Variants in RGMB observed in about 807,000 individuals in gnomAD.
RGMB encodes the protein repulsive guidance molecule BMP co-receptor b, also known as repulsive guidance molecule B.
Under a neutral mutation model 26.9 loss-of-function variants are expected in RGMB, and 16 were observed. The observed-to-expected ratio is 0.60, with a 90% CI of 0.40 to 0.90. The LOEUF is 0.90. Ranked by LOEUF, RGMB falls within the 40% of genes least tolerant of loss-of-function variation. The probability of loss-of-function intolerance (pLI) is 0.00; values close to 1 mark genes in which losing one functional copy is unlikely to be tolerated. For missense variants in RGMB, 512 were observed against 573.3 expected, an observed-to-expected ratio of 0.89 and a Z score of 1.09; for synonymous variants, 225 against 229.3, an observed-to-expected ratio of 0.98 and a Z score of 0.17.
rs907808292 is a variant in RGMB at position 98,794,064 on chromosome 5, A to G, written c.*311A>G. The G allele has an allele frequency of 1.3e-5, 3 of 224,808 alleles. No homozygotes were observed. Among genetic ancestry groups the G allele is most frequent in the African/African-American group, 2.3e-5 (1 of 42,926 alleles). The allele number at this position is 224,808 out of a possible 1,614,324, so 13.9% of individuals were successfully genotyped here. On this transcript the variant is annotated 3_prime_UTR_variant, in exon 3 of 3. Transcript: ENST00000513185. Reference sequence around the variant, plus strand: ...AAATATTTATGTGTGTGCTTGGTTGATATGTATAGTACATATACACAGACA... The same window carrying G: ...AAATATTTATGTGTGTGCTTGGTTGGTATGTATAGTACATATACACAGACA...
At chr5:98,770,597 G>C, upstream of RGMB, 1 of 1,322,834 alleles carries the variant, frequency 7.6e-7, no homozygotes, top group Non-Finnish European at 9.7e-7. Flanking sequence ...CTCACACCCA[G>C]GTCCTGCGTG....
Position 98,773,972 on chromosome 5 carries a change from A to G in RGMB, c.-99A>G. ...CTGAAGAAGGAAGAAGAGGAAGCGA[A>G]GCGCGCCCCCCGGCCCATGCCGCAG... is the stretch of plus-strand genomic sequence containing the variant. On this transcript the variant is annotated 5_prime_UTR_variant, in exon 1 of 3. Coordinates refer to ENST00000513185, the MANE Select transcript of RGMB (RefSeq NM_001366508.1). The G allele has an allele frequency of 1.6e-6, 1 of 623,580 alleles. No homozygotes were observed. The highest frequency in any genetic ancestry group is 3.5e-5 in the East Asian group (1 of 28,976). 38.6% of individuals were successfully genotyped at this position (623,580 alleles called of 1,614,324 possible).
upstream of RGMB, chr5:98,772,529 T>C (rs1465533040): frequency 6.6e-6 from 1 of 152,246 alleles, no homozygotes; most frequent in Non-Finnish European, 1.5e-5. Flanking sequence ...ATGGCAACCC[T>C]GTGCTGTTTG....
At chr5:98,781,852 A>C (rs577731620) in intron 2 of RGMB, among the ~76,000 whole-genome samples, 1 of 152,306 alleles carries the variant, frequency 6.6e-6, no homozygotes, top group Admixed American at 6.5e-5. Context: ...GAATATTGCT[A>C]TATATATGGA....
intron 2 of RGMB, among the ~76,000 whole-genome samples, chr5:98,782,289 T>C (rs1461885794): frequency 2.0e-5 from 3 of 152,048 alleles, no homozygotes; most frequent in African/African-American, 7.2e-5. Context: ...AAGGCCTAAA[T>C]CTTACAATAC....
chr5:98,794,950 C>T lies in RGMB; in HGVS notation c.*1197C>T, dbSNP rs1328651466. The stretch of plus-strand genomic sequence containing the variant: ...TCGGTGTGCGGCCACTTCGGCACTG[C>T]TTAATCCAGATATTCTTGTTAACTA... On this transcript the variant is annotated 3_prime_UTR_variant, in exon 3 of 3. Coordinates refer to ENST00000513185, the MANE Select transcript of RGMB (RefSeq NM_001366508.1). 1 of 152,240 alleles carries T rather than the reference C, an allele frequency of 6.6e-6. No homozygotes were observed. The highest frequency in any genetic ancestry group is 1.5e-5 in the Non-Finnish European group (1 of 68,054). The allele number at this position is 152,240 out of a possible 1,614,324, so 9.4% of individuals were successfully genotyped here.
chr5:98,777,038 A>AT (rs1376489033), intron 1 of RGMB, among the ~76,000 whole-genome samples: 10 of 151,676 alleles, frequency 6.6e-5, no homozygotes, highest in African/African-American at 2.4e-4. Flanking sequence ...GTGAGCCGAG[A>AT]TCGCGCCACT....
At position 98,773,974 on chromosome 5, in the gene RGMB, C is replaced by A. The variant is rs954660891; in HGVS notation, c.-97C>A. 39 of 623,690 alleles carry A rather than the reference C, an allele frequency of 6.3e-5. No homozygotes were observed. The highest frequency in any genetic ancestry group is 1.0e-4 in the Non-Finnish European group (36 of 346,040). 38.6% of individuals were successfully genotyped at this position (623,690 alleles called of 1,614,324 possible). On this transcript the variant is annotated 5_prime_UTR_variant, in exon 1 of 3. Transcript: ENST00000513185. ...GAAGAAGGAAGAAGAGGAAGCGAAGCGCGCCCCCCGGCCCATGCCGCAGCC... is the reference window on the plus strand; with the variant it reads ...GAAGAAGGAAGAAGAGGAAGCGAAGAGCGCCCCCCGGCCCATGCCGCAGCC...
rs577876085 is a variant in RGMB, at chr5:98,780,377, C to CT, written c.645+295dup. ...AGACCTGTTTAGTAAAAAAAGGATG[C>CT]TTTTTTCAGTGATGTCTTTTTTTGA... On this transcript the variant is annotated intron_variant, in intron 2 of 2. Coordinates refer to ENST00000513185, the MANE Select transcript of RGMB (RefSeq NM_001366508.1). 8.0e-5 allele frequency: 25 copies of CT among 312,598 alleles called. No homozygotes were observed. The South Asian group carries it at 1.7e-3, about 22-fold the overall frequency. 19.4% of individuals were successfully genotyped at this position (312,598 alleles called of 1,614,324 possible).
chr5:98,771,739 T>C (rs1746170815), upstream of RGMB: 1 of 152,308 alleles, frequency 6.6e-6, no homozygotes, highest in South Asian at 2.1e-4. Flanking sequence ...CGCCCTCTAT[T>C]GATAGGAAAA....
At chr5:98,772,433 G>A (rs1561433878), upstream of RGMB, among the ~76,000 whole-genome samples, 1 of 152,184 alleles carries the variant, frequency 6.6e-6, no homozygotes, top group Non-Finnish European at 1.5e-5. Context: ...GCATGTCCGT[G>A]GTTGATAAGA....
intron 2 of RGMB, among the ~76,000 whole-genome samples, chr5:98,782,070 A>G (rs543746332): frequency 1.3e-5 from 2 of 152,330 alleles, no homozygotes; most frequent in East Asian, 1.9e-4. Context: ...TAATTGCACT[A>G]TTGGAAGGTA....
intron 2 of RGMB, among the ~76,000 whole-genome samples, chr5:98,785,565 C>A (rs1311851757): frequency 6.6e-6 from 1 of 152,180 alleles, no homozygotes; most frequent in African/African-American, 2.4e-5. Context: ...TGTATTTCCT[C>A]ATCTGCATAC....
In RGMB at chr5:98,795,810, TG is replaced by T. The variant is rs1747102723; in HGVS notation, c.*2058del. Reference sequence around the variant, plus strand: ...TATTTTTGTGCAAATAATATGAAAGTGAAGTAAAAGCAATAGAAGAAATTTC... The same window carrying T: ...TATTTTTGTGCAAATAATATGAAAGTAAGTAAAAGCAATAGAAGAAATTTC... On this transcript the variant is annotated 3_prime_UTR_variant, in exon 3 of 3. Coordinates refer to ENST00000513185, the MANE Select transcript of RGMB (RefSeq NM_001366508.1). The T allele has an allele frequency of 6.6e-6, 1 of 152,122 alleles. No individual in the cohort carries two copies. The highest frequency in any genetic ancestry group is 1.5e-5 in the Non-Finnish European group (1 of 68,028). The allele number at this position is 152,122 out of a possible 1,614,324, so 9.4% of individuals were successfully genotyped here.
chr5:98,768,883 G>A (rs1746058845), upstream of RGMB: 2 of 152,396 alleles, frequency 1.3e-5, no homozygotes, highest in Middle Eastern at 3.4e-3. Flanking sequence ...TGCGGCTGCC[G>A]GCGGGCAGCT....
At chr5:98,792,049 T>G (rs1746946299) in intron 2 of RGMB, among the ~76,000 whole-genome samples, 1 of 152,186 alleles carries the variant, frequency 6.6e-6, no homozygotes, top group African/African-American at 2.4e-5. Flanking sequence ...GTAACTAGGT[T>G]TAGGGTATTC....
rs768490554 is a variant in RGMB at position 98,773,668 on chromosome 5, G to A, written c.-403G>A. The A allele has an allele frequency of 5.7e-6, 2 of 351,578 alleles. No individual in the cohort carries two copies. The highest frequency in any genetic ancestry group is 5.1e-6 in the Non-Finnish European group (1 of 196,240). The allele number at this position is 351,578 out of a possible 1,614,324, so 21.8% of individuals were successfully genotyped here. Reference sequence around the variant, plus strand: ...TCGACCGCGGGGGCTGCCGCGCAGAGATATCCGGGCCGCCGGTGGGTGGTC... The same window carrying A: ...TCGACCGCGGGGGCTGCCGCGCAGAAATATCCGGGCCGCCGGTGGGTGGTC... On this transcript the variant is annotated 5_prime_UTR_variant, in exon 1 of 3. Coordinates refer to ENST00000513185, the MANE Select transcript of RGMB (RefSeq NM_001366508.1).
In RGMB at chr5:98,779,679, C is replaced by CG; in HGVS notation, c.236_237insG (p.Glu80Ter). 6.3e-7 allele frequency: 1 copy of CG among 1,590,310 alleles called. No individual in the cohort carries two copies. The highest frequency in any genetic ancestry group is 8.6e-7 in the Non-Finnish European group (1 of 1,165,552). On this transcript the variant is annotated frameshift_variant, in exon 2 of 3. Transcript: ENST00000513185. LOFTEE classifies it high-confidence loss of function. Reference sequence around the variant, plus strand: ...AACTCTGCCGTTGACGGCTTTGACTCTGAGTTTTGCAAGGCCTTGCGTGCC... The same window carrying CG: ...AACTCTGCCGTTGACGGCTTTGACTCGTGAGTTTTGCAAGGCCTTGCGTGCC...
At chr5:98,780,124 A>G (rs2302983) in intron 2 of RGMB, 36 bp downstream of exon 2, 165,814 of 1,560,550 alleles carry the variant, frequency 0.11, 9,892 homozygotes, top group South Asian at 0.2. Context: ...TCCCTACTCA[A>G]CTTTCAAAAG....
Sources: allele counts gnomAD v4.1 joint callset (sites outside exome capture counted in the v4.1 genomes callset), GRCh38; gene constraint gnomAD v4.1.1; transcripts MANE v1.5; gene names NCBI Gene and HGNC (gene_info 2026-07-23, HGNC 2026-07-21).